Variants in CTNNA3 observed in about 807,000 individuals in gnomAD.
CTNNA3 encodes catenin alpha 3, also known as catenin alpha-3.
CTNNA3 carries 76 observed loss-of-function variants against 95.7 expected under a neutral mutation model. The ratio of observed to expected loss-of-function variants is 0.79; its 90% CI spans 0.66 to 0.96. The LOEUF is 0.96. Among genes scored for constraint, CTNNA3 ranks in the 40% least tolerant of loss-of-function variants. CTNNA3 has a pLI of 0.00. For missense variants in CTNNA3, 1,191 were observed against 1,089.8 expected (o/e 1.09, Z -1.31); for synonymous variants, 431 against 374.4 (o/e 1.15, Z -1.74).
At chr10:67,502,229 C>T (rs1839255706) in intron 5 of CTNNA3, among the ~76,000 whole-genome samples, 1 of 152,184 alleles carries the variant, frequency 6.6e-6, no homozygotes, top group African/African-American at 2.4e-5. Context: ...TCAGGCCCCT[C>T]TCCTGCAGTG....
At chr10:67,387,549 GAGCCCACCAC>G (rs1844241049) in intron 5 of CTNNA3, among the ~76,000 whole-genome samples, 2 of 152,200 alleles carry the variant, frequency 1.3e-5, no homozygotes, top group South Asian at 2.1e-4. Context: ...GAACTGGGTG[GAGCCCACCAC>G]AGCTCAAGGA....
At chr10:67,019,427 A>G (rs1319617666) in intron 7 of CTNNA3, among the ~76,000 whole-genome samples, 1 of 152,148 alleles carries the variant, frequency 6.6e-6, no homozygotes, top group Admixed American at 6.5e-5. Flanking sequence ...CACATTGGTC[A>G]AGCTGGTCAC....
At chr10:66,864,756 G>T (rs1020088773) in intron 7 of CTNNA3, among the ~76,000 whole-genome samples, 2 of 152,036 alleles carry the variant, frequency 1.3e-5, no homozygotes, top group African/African-American at 4.8e-5. Context: ...GTTATAGAGT[G>T]CTCATTAACA....
chr10:66,373,777 A>G (rs2092771569), intron 12 of CTNNA3, among the ~76,000 whole-genome samples: 3 of 152,212 alleles, frequency 2.0e-5, no homozygotes. Flanking sequence ...AATTAGGTTC[A>G]GTCAGATCTT....
chr10:67,407,007 C>G (rs1393001782), intron 5 of CTNNA3, among the ~76,000 whole-genome samples: 2 of 152,174 alleles, frequency 1.3e-5, no homozygotes, highest in Non-Finnish European at 2.9e-5. Flanking sequence ...GAGCTGGTAC[C>G]ATTCCTATTG....
rs35733981 is a variant in CTNNA3 at position 66,927,421 on chromosome 10, C to T, written c.1048-151897G>A. 0.012 allele frequency: 20,029 copies of T among 1,614,122 alleles called. 428 individuals carry two copies. Among genetic ancestry groups the T allele is most frequent in the African/African-American group, 0.094 (7,030 of 75,022 alleles). On this transcript the variant is annotated intron_variant, in intron 7 of 17. Coordinates refer to ENST00000433211, the MANE Select transcript of CTNNA3 (RefSeq NM_013266.4). The surrounding 1 kb of genome is among the most constrained non-coding windows in gnomAD (Gnocchi z 4.7). The stretch of plus-strand genomic sequence containing the variant: ...GAGTTTACATTTACGGTCTAACTCC[C>T]TGAGAACCATCCCTGTGCGAATATT...
At chr10:67,093,700 G>A (rs1289032767) in intron 7 of CTNNA3, among the ~76,000 whole-genome samples, 2 of 151,946 alleles carry the variant, frequency 1.3e-5, no homozygotes, top group African/African-American at 2.4e-5. Flanking sequence ...TGAATTCACA[G>A]TCGTTGCCCA....
chr10:66,300,394 T>G (rs1332731468), intron 12 of CTNNA3, among the ~76,000 whole-genome samples: 1 of 152,116 alleles, frequency 6.6e-6, no homozygotes, highest in Non-Finnish European at 1.5e-5. Flanking sequence ...GGAGGATTAT[T>G]TATTTTCTTC....
chr10:66,244,313 G>A (rs905689657), intron 13 of CTNNA3, among the ~76,000 whole-genome samples: 9 of 152,186 alleles, frequency 5.9e-5, no homozygotes, highest in African/African-American at 1.4e-4. Context: ...CTGGGCCTGC[G>A]CAGAACTTTC....
At chr10:66,709,270 G>C (rs1211324120) in intron 9 of CTNNA3, among the ~76,000 whole-genome samples, 4 of 152,030 alleles carry the variant, frequency 2.6e-5, no homozygotes, top group South Asian at 4.1e-4. Context: ...CCTGTGCTTG[G>C]ATGTGGCACA....
chr10:66,476,401 A>G (rs1364248008), intron 11 of CTNNA3, among the ~76,000 whole-genome samples: 2 of 152,122 alleles, frequency 1.3e-5, no homozygotes, highest in African/African-American at 4.8e-5. Context: ...GACAGAACAC[A>G]ATTGACAACA....
chr10:67,160,309 G>A (rs963463351), intron 7 of CTNNA3, among the ~76,000 whole-genome samples: 1 of 151,972 alleles, frequency 6.6e-6, no homozygotes, highest in Non-Finnish European at 1.5e-5. Context: ...AAACAGCATG[G>A]CATTTCCTCA....
At chr10:66,543,706 T>C (rs1164617022) in intron 10 of CTNNA3, among the ~76,000 whole-genome samples, 1 of 151,500 alleles carries the variant, frequency 6.6e-6, no homozygotes, top group African/African-American at 2.4e-5. Flanking sequence ...AAATCTTTCC[T>C]ATTAGAACCT....
At chr10:66,064,023 G>A (rs532117345) in intron 15 of CTNNA3, among the ~76,000 whole-genome samples, 4 of 152,042 alleles carry the variant, frequency 2.6e-5, no homozygotes, top group African/African-American at 2.4e-5. Context: ...AGAATTGCCC[G>A]AGACTGGGTA....
At chr10:67,515,416 T>C (rs1241894543) in intron 5 of CTNNA3, among the ~76,000 whole-genome samples, 4 of 152,236 alleles carry the variant, frequency 2.6e-5, no homozygotes, top group Admixed American at 6.5e-5. Flanking sequence ...TCTTTTCTCC[T>C]TTGGGACAAA....
At chr10:67,531,989 C>T (rs979303544) in intron 4 of CTNNA3, among the ~76,000 whole-genome samples, 2 of 152,070 alleles carry the variant, frequency 1.3e-5, no homozygotes, top group Non-Finnish European at 1.5e-5. Flanking sequence ...CTTGCTCCTC[C>T]TTGCCTTCTG....
At chr10:67,524,395 C>CAAAAAAAAAAA (rs200850487) in intron 4 of CTNNA3, among the ~76,000 whole-genome samples, 2 of 70,306 alleles carry the variant, frequency 2.8e-5, no homozygotes, top group African/African-American at 4.9e-5. Flanking sequence ...GACTCTGTCT[C>CAAAAAAAAAAA]AAAAAAAAAA....
chr10:67,666,963 T>C (rs1281022464), intron 1 of CTNNA3, among the ~76,000 whole-genome samples: 1 of 152,150 alleles, frequency 6.6e-6, no homozygotes, highest in Non-Finnish European at 1.5e-5. Context: ...TAAATTTTTC[T>C]GGGACAAACA....
At chr10:66,632,770 TA>T (rs1249544088) in intron 9 of CTNNA3, among the ~76,000 whole-genome samples, 4 of 151,668 alleles carry the variant, frequency 2.6e-5, no homozygotes, top group South Asian at 2.1e-4. Flanking sequence ...AAAATAAAGT[TA>T]AAATACAAAA....
Sources: allele counts gnomAD v4.1 joint callset (sites outside exome capture counted in the v4.1 genomes callset), GRCh38; gene constraint gnomAD v4.1.1; non-coding constraint Gnocchi (gnomAD v3.1); transcripts MANE v1.5; gene names NCBI Gene and HGNC (gene_info 2026-07-23, HGNC 2026-07-21).